SCHIP1: variants seen among roughly 807,000 people sequenced by gnomAD.
SCHIP1 encodes the protein schwannomin-interacting protein 1.
Under a neutral mutation model 29.7 loss-of-function variants are expected in SCHIP1, and 8 were observed. The ratio of observed to expected loss-of-function variants is 0.27; its 90% confidence interval spans 0.16 to 0.49. The LOEUF is 0.49. SCHIP1 is among the 20% of genes least tolerant of loss of function. The probability of loss-of-function intolerance (pLI) is 0.99; values close to 1 mark genes in which losing one functional copy is unlikely to be tolerated. For missense variants in SCHIP1, 193 were observed against 294.6 expected, an observed-to-expected ratio of 0.66 and a Z score of 2.52; for synonymous variants, 76 against 94.9, an observed-to-expected ratio of 0.80 and a Z score of 1.16.
At chr3:159,660,306 A>G in the SCHIP1 span, among the ~76,000 whole-genome samples, 1 of 152,172 alleles carries the variant, frequency 6.6e-6, no homozygotes, top group Non-Finnish European at 1.5e-5. Flanking sequence ...ATAAAAGCCA[A>G]TAGAGCTACC....
the SCHIP1 span, among the ~76,000 whole-genome samples, chr3:159,689,634 G>A: frequency 6.6e-6 from 1 of 152,204 alleles, no homozygotes; most frequent in Non-Finnish European, 1.5e-5. Flanking sequence ...CCAATGCTGT[G>A]TTGAATAGGA....
the SCHIP1 span, among the ~76,000 whole-genome samples, chr3:159,766,629 G>A: frequency 6.6e-6 from 1 of 152,098 alleles, no homozygotes; most frequent in East Asian, 1.9e-4. Flanking sequence ...TTAGTACTTG[G>A]GTATACATGC....
chr3:159,848,079 T>C (rs1168239823), intron 1 of SCHIP1, among the ~76,000 whole-genome samples: 1 of 152,214 alleles, frequency 6.6e-6, no homozygotes, highest in African/African-American at 2.4e-5. Context: ...TTCTCAGAGT[T>C]AATAATTTCC....
intron 1 of SCHIP1, among the ~76,000 whole-genome samples, chr3:159,842,272 A>G (rs1249724638): frequency 2.6e-5 from 4 of 152,190 alleles, no homozygotes; most frequent in African/African-American, 9.7e-5. Flanking sequence ...ATGTATGCCA[A>G]GATTTCTTAA....
chr3:159,307,318 C>T, the SCHIP1 span, among the ~76,000 whole-genome samples: 2 of 152,152 alleles, frequency 1.3e-5, no homozygotes, highest in African/African-American at 2.4e-5. Context: ...AGTTGCTTAA[C>T]TTTCCTAAGT....
At chr3:159,680,931 T>C in the SCHIP1 span, among the ~76,000 whole-genome samples, 4 of 150,874 alleles carry the variant, frequency 2.7e-5, no homozygotes, top group Non-Finnish European at 5.9e-5. Flanking sequence ...TGACTGAAAA[T>C]CCTAAAGCTG....
the SCHIP1 span, among the ~76,000 whole-genome samples, chr3:159,381,128 T>C: frequency 1.3e-5 from 2 of 152,172 alleles, no homozygotes; most frequent in African/African-American, 4.8e-5. Context: ...TAGGGCAGTT[T>C]ATTTTTAGAG....
the SCHIP1 span, among the ~76,000 whole-genome samples, chr3:159,511,761 A>G: frequency 4.1e-4 from 63 of 152,256 alleles, no homozygotes; most frequent in Non-Finnish European, 2.2e-4. Context: ...AAGAAAGGAT[A>G]TTCTAATAAA....
the SCHIP1 span, among the ~76,000 whole-genome samples, chr3:159,306,823 T>C: frequency 6.6e-6 from 1 of 152,192 alleles, no homozygotes; most frequent in African/African-American, 2.4e-5. Flanking sequence ...CAATAACTTA[T>C]AAAAAGTGCT....
the SCHIP1 span, among the ~76,000 whole-genome samples, chr3:159,803,196 T>A: frequency 8.4e-4 from 128 of 151,810 alleles, no homozygotes; most frequent in Non-Finnish European, 1.6e-3. Context: ...TGTGTGTGTG[T>A]TGCAAAGGGC....
the SCHIP1 span, among the ~76,000 whole-genome samples, chr3:159,522,462 T>C: frequency 6.6e-6 from 1 of 152,152 alleles, no homozygotes; most frequent in Non-Finnish European, 1.5e-5. Context: ...ACTTGCAAGA[T>C]AAAAATAAAT....
the SCHIP1 span, among the ~76,000 whole-genome samples, chr3:159,677,425 G>T: frequency 6.6e-5 from 10 of 152,264 alleles, no homozygotes; most frequent in African/African-American, 2.4e-4. Context: ...GATAGGAAGA[G>T]AAGGGAGTTG....
chr3:159,369,445 T>G, the SCHIP1 span, among the ~76,000 whole-genome samples: 1,708 of 152,228 alleles, frequency 0.011, 18 homozygotes, highest in South Asian at 0.033. Flanking sequence ...AGAATAGAGA[T>G]AGTTTTTCAG....
the SCHIP1 span, among the ~76,000 whole-genome samples, chr3:159,660,489 G>T: frequency 5.3e-5 from 8 of 151,462 alleles, no homozygotes; most frequent in African/African-American, 1.9e-4. Flanking sequence ...ATCTGTGTGT[G>T]TATATATATA....
the SCHIP1 span, among the ~76,000 whole-genome samples, chr3:159,344,601 T>C: frequency 1.3e-5 from 2 of 152,164 alleles, no homozygotes; most frequent in East Asian, 3.9e-4. Flanking sequence ...TTTGACAAAA[T>C]ACCTGACTAG....
At chr3:159,578,026 TA>T in the SCHIP1 span, among the ~76,000 whole-genome samples, 1 of 152,190 alleles carries the variant, frequency 6.6e-6, no homozygotes, top group African/African-American at 2.4e-5. Flanking sequence ...GCATTCTTGT[TA>T]AAATGAAAAT....
chr3:159,716,520 G>C, the SCHIP1 span, among the ~76,000 whole-genome samples: 1 of 152,176 alleles, frequency 6.6e-6, no homozygotes, highest in East Asian at 1.9e-4. Context: ...CATGTGCAGA[G>C]ACACACATAG....
At chr3:159,575,808 G>C in the SCHIP1 span, among the ~76,000 whole-genome samples, 7 of 151,976 alleles carry the variant, frequency 4.6e-5, no homozygotes, top group Non-Finnish European at 7.4e-5. Flanking sequence ...ACTCCTAAAA[G>C]CTTTGATCAT....
At chr3:159,595,715 A>C in the SCHIP1 span, among the ~76,000 whole-genome samples, 1 of 152,170 alleles carries the variant, frequency 6.6e-6, no homozygotes, top group Non-Finnish European at 1.5e-5. Context: ...CTCCTAGCCT[A>C]AAGAGGAATA....
Sources: gnomAD v4.1 joint callset for allele counts (sites outside exome capture counted in the v4.1 genomes callset) on GRCh38, gnomAD v4.1.1 for gene constraint, MANE v1.5 for transcripts, NCBI Gene and HGNC (gene_info 2026-07-23, HGNC 2026-07-21) for gene names.